Variants in GYPE observed in about 807,000 individuals in gnomAD.
GYPE encodes the protein glycophorin E (MNS blood group).
GYPE carries 8 observed loss-of-function variants against 11.6 expected under a neutral mutation model. The ratio of observed to expected loss-of-function variants is 0.69; its 90% CI spans 0.41 to 1.25. The LOEUF (loss-of-function observed/expected upper bound fraction) is 1.25, where lower values mean the gene tolerates loss of function less well. Ranked by LOEUF, GYPE falls within the 50% of genes most tolerant of loss-of-function variation. The probability of loss-of-function intolerance (pLI) is 0.01; values close to 1 mark genes in which losing one functional copy is unlikely to be tolerated. For missense variants in GYPE, 90 were observed against 92.8 expected, an observed-to-expected ratio of 0.97 and a Z score of 0.12; for synonymous variants, 28 against 29.6, an observed-to-expected ratio of 0.94 and a Z score of 0.18.
At chr4:143,880,947 A>T (rs1744001116) in intron 1 of GYPE, among the ~76,000 whole-genome samples, 1 of 152,192 alleles carries the variant, frequency 6.6e-6, no homozygotes, top group Non-Finnish European at 1.5e-5. Context: ...GGGTAACTTG[A>T]AGTTGCATTT....
intron 3 of GYPE, chr4:143,873,591 T>G (rs2149902767): frequency 2.6e-6 from 1 of 384,852 alleles, no homozygotes; most frequent in East Asian, 7.2e-5. Context: ...GACAAGACCA[T>G]CTGGAAGAGA....
At chr4:143,902,572 C>G (rs992024672) in intron 1 of GYPE, among the ~76,000 whole-genome samples, 16 of 151,502 alleles carry the variant, frequency 1.1e-4, no homozygotes, top group Non-Finnish European at 2.1e-4. Context: ...CTCCCTCTCT[C>G]TCTCCATCCT....
At chr4:143,885,193 T>C (rs956986550) in intron 1 of GYPE, among the ~76,000 whole-genome samples, 3 of 152,110 alleles carry the variant, frequency 2.0e-5, no homozygotes, top group African/African-American at 7.2e-5. Flanking sequence ...CAAAAGAATA[T>C]GGCAAAGAAC....
intron 2 of GYPE, among the ~76,000 whole-genome samples, chr4:143,879,477 A>G (rs1307118369): frequency 1.3e-5 from 2 of 152,076 alleles, no homozygotes; most frequent in African/African-American, 4.8e-5. Flanking sequence ...TGTGGGTGGT[A>G]TATGGGCTTT....
chr4:143,887,792 C>G (rs1744264366), intron 1 of GYPE, among the ~76,000 whole-genome samples: 1 of 146,956 alleles, frequency 6.8e-6, no homozygotes, highest in Non-Finnish European at 1.5e-5. Flanking sequence ...AGTGAGGCCT[C>G]AAACTCCTAC....
At chr4:143,878,225 A>G (rs1208755609) in intron 2 of GYPE, among the ~76,000 whole-genome samples, 1 of 152,184 alleles carries the variant, frequency 6.6e-6, no homozygotes. Flanking sequence ...TCCCAGGCTC[A>G]GGCAATCGAT....
At chr4:143,873,096 C>G (rs2323374) in intron 3 of GYPE, among the ~76,000 whole-genome samples, 37,162 of 145,660 alleles carry the variant, frequency 0.26, 4,693 homozygotes, top group East Asian at 0.38. Context: ...AGCTGTGGGG[C>G]TGTTACTATA....
chr4:143,890,621 G>A (rs1369277386), intron 1 of GYPE, among the ~76,000 whole-genome samples: 1 of 152,098 alleles, frequency 6.6e-6, no homozygotes, highest in African/African-American at 2.4e-5. Flanking sequence ...TGCTCCAGTT[G>A]GTAATATAGA....
At chr4:143,887,896 G>A (rs1263720467) in intron 1 of GYPE, among the ~76,000 whole-genome samples, 1 of 137,406 alleles carries the variant, frequency 7.3e-6, no homozygotes, top group Non-Finnish European at 1.6e-5. Context: ...ATTGAATTCT[G>A]TAATTTAGGT....
At chr4:143,904,005 A>G (rs1159458141) in intron 1 of GYPE, among the ~76,000 whole-genome samples, 1 of 152,146 alleles carries the variant, frequency 6.6e-6, no homozygotes, top group Non-Finnish European at 1.5e-5. Flanking sequence ...TAGCACTTCA[A>G]ATATATGAAT....
At chr4:143,873,609 A>G (rs1447289486) in intron 3 of GYPE, 11 of 349,772 alleles carry the variant, frequency 3.1e-5, no homozygotes, top group South Asian at 7.3e-5. Flanking sequence ...AGACCCAGAT[A>G]GAGACAACAA....
At chr4:143,874,070 C>G (rs1266416369) in intron 3 of GYPE, among the ~76,000 whole-genome samples, 3 of 152,048 alleles carry the variant, frequency 2.0e-5, no homozygotes, top group African/African-American at 7.3e-5. Context: ...GAGATGTGTA[C>G]TAGCAACTGT....
intron 1 of GYPE, among the ~76,000 whole-genome samples, chr4:143,895,489 G>T (rs1298813564): frequency 1.3e-5 from 2 of 149,810 alleles, no homozygotes; most frequent in East Asian, 3.9e-4. Context: ...ACAAACCACT[G>T]CTCAATGAAA....
At chr4:143,875,458 G>C (rs1471166805) in intron 3 of GYPE, 1 of 1,550,668 alleles carries the variant, frequency 6.4e-7, no homozygotes, top group Non-Finnish European at 8.7e-7. Flanking sequence ...AGAACAGCAG[G>C]TGCAGCTGGT....
At chr4:143,875,584 T>C in intron 3 of GYPE, 3 of 1,547,944 alleles carry the variant, frequency 1.9e-6, no homozygotes, top group African/African-American at 1.4e-5. Context: ...CAGCCTCTGA[T>C]TGGTCACAGG....
chr4:143,901,584 A>C (rs1201948365), intron 1 of GYPE, among the ~76,000 whole-genome samples: 1 of 151,880 alleles, frequency 6.6e-6, no homozygotes, highest in Non-Finnish European at 1.5e-5. Flanking sequence ...CTGGAAATCT[A>C]TGATGTAAAA....
chr4:143,877,515 G>T (rs1312176953), intron 2 of GYPE, among the ~76,000 whole-genome samples: 2 of 152,140 alleles, frequency 1.3e-5, no homozygotes, highest in African/African-American at 2.4e-5. Context: ...CTTAAATCAA[G>T]TAAGAGATAT....
Position 143,900,961 on chromosome 4 carries a change from G to A in GYPE, c.37+4510C>T, listed in dbSNP as rs1158172663. Among the ~76,000 whole-genome samples the A allele has an allele frequency of 2.6e-5, 4 of 152,088 alleles. No homozygotes were observed. In the East Asian group the frequency reaches 7.7e-4, roughly 29 times the overall value. On this transcript the variant is annotated intron_variant, in intron 1 of 3. Coordinates refer to ENST00000358615, the MANE Select transcript of GYPE (RefSeq NM_198682.3). ...TGCTACCGATTGTACACTTTAAAAT[G>A]GTTCAAATGGTAAACTTATGTGTAT...
chr4:143,905,491 A>G lies in GYPE; in HGVS notation c.17T>C (p.Ile6Thr), dbSNP rs373430208. ...CTTACCTGACAATAGTAATACAAAG[A>G]TTATTTTTCCATACATCCTGAGATC... MYGKI[I>T]FVLLLSGIVS... Residue 6 changes from isoleucine (I) to threonine (T), a missense_variant, in exon 1 of 4, where the codon ATC (isoleucine) becomes ACC (threonine). Transcript: ENST00000358615. 9.3e-6 allele frequency: 15 copies of G among 1,613,172 alleles called. No homozygotes were observed.
Sources: allele counts gnomAD v4.1 joint callset (sites outside exome capture counted in the v4.1 genomes callset), GRCh38; gene constraint gnomAD v4.1.1; transcripts MANE v1.5; gene names NCBI Gene and HGNC (gene_info 2026-07-23, HGNC 2026-07-21).